Variants in ANAPC16 observed in about 807,000 individuals in gnomAD.
The protein encoded by ANAPC16 is anaphase-promoting complex subunit 16.
ANAPC16 carries 6 observed loss-of-function variants against 13.1 expected under a neutral mutation model. The observed-to-expected ratio is 0.46, with a 90% CI of 0.25 to 0.90. The LOEUF is 0.90. Among genes scored for constraint, ANAPC16 ranks in the 40% least tolerant of loss-of-function variants. The pLI is 0.18. For synonymous variants in ANAPC16, 55 were observed against 51.3 expected (o/e 1.07, Z -0.31); for missense variants, 113 against 131.1 (o/e 0.86, Z 0.67).
chr10:72,221,073 C>T lies in ANAPC16; in HGVS notation c.-27-2815C>T, dbSNP rs555779594. Among the ~76,000 whole-genome samples the T allele has an allele frequency of 4.6e-5, 7 of 152,134 alleles. No individual in the cohort carries two copies. The East Asian group carries it at 1.2e-3, about 25-fold the overall frequency. On this transcript the variant is annotated intron_variant, in intron 1 of 3. Transcript: ENST00000299381. ...CTGGGATTACAGGCGCCTGCCACCA[C>T]GCCCAGCTCATTTTTGTATTTTAAT...
intron 2 of ANAPC16, among the ~76,000 whole-genome samples, chr10:72,226,109 G>A (rs12254520): frequency 0.082 from 12,197 of 149,146 alleles, 1,335 homozygotes; most frequent in African/African-American, 0.24. Flanking sequence ...TCTGCCTCCC[G>A]GGTTCAAGTG....
At chr10:72,224,864 T>C (rs1019339841) in intron 2 of ANAPC16, among the ~76,000 whole-genome samples, 6 of 152,206 alleles carry the variant, frequency 3.9e-5, no homozygotes, top group East Asian at 1.9e-4. Context: ...GTGGTTCTTA[T>C]AGCACCAAAG....
chr10:72,232,698 G>C (rs75554001), intron 3 of ANAPC16, among the ~76,000 whole-genome samples: 4 of 150,844 alleles, frequency 2.7e-5, no homozygotes, highest in Non-Finnish European at 5.9e-5. Flanking sequence ...CTGCCTCCAG[G>C]GTTCAAGCGA....
chr10:72,222,895 A>G (rs1261422229), intron 1 of ANAPC16, among the ~76,000 whole-genome samples: 1 of 152,168 alleles, frequency 6.6e-6, no homozygotes. Flanking sequence ...GTAAGGTGTC[A>G]TGTATTCAGT....
chr10:72,216,681 A>G, intron 1 of ANAPC16: 1 of 368,928 alleles, frequency 2.7e-6, no homozygotes, highest in Non-Finnish European at 5.3e-6. Flanking sequence ...AGGAATTTAT[A>G]TTCATAAATA....
rs144000836 is a variant in ANAPC16 at position 72,217,545 on chromosome 10, C to T, written c.-28+1407C>T. Among the ~76,000 whole-genome samples the T allele has an allele frequency of 2.8e-3, 420 of 151,220 alleles. 1 individual carries two copies. The highest frequency in any genetic ancestry group is 4.5e-3 in the Non-Finnish European group (305 of 67,918). Reference sequence around the variant, plus strand: ...GGCCCTCCTCCTGAACAGATTCTTTCTCCTGTGGGAGCTTGCTGACTCTGT... The same window carrying T: ...GGCCCTCCTCCTGAACAGATTCTTTTTCCTGTGGGAGCTTGCTGACTCTGT... On this transcript the variant is annotated intron_variant, in intron 1 of 3. Coordinates refer to ENST00000299381, the MANE Select transcript of ANAPC16 (RefSeq NM_173473.4).
intron 1 of ANAPC16, 184 bp from the exon 2 acceptor site, chr10:72,223,704 A>T: frequency 2.3e-6 from 1 of 429,744 alleles, no homozygotes; most frequent in Non-Finnish European, 4.1e-6. Context: ...GCATATTTTC[A>T]GTTCAAAACC....
chr10:72,224,629 G>A (rs184195371), intron 2 of ANAPC16, among the ~76,000 whole-genome samples: 1 of 146,822 alleles, frequency 6.8e-6, no homozygotes, highest in South Asian at 2.2e-4. Flanking sequence ...AAAAAAAAAC[G>A]CAGAGGCAGC....
rs1021548547 is a variant in ANAPC16 at position 72,234,461 on chromosome 10, TA to T, written c.*1346del. 3 of 152,202 alleles carry T rather than the reference TA, an allele frequency of 2.0e-5. No individual in the cohort carries two copies. The highest frequency in any genetic ancestry group is 7.2e-5 in the African/African-American group (3 of 41,444). 9.4% of individuals were successfully genotyped at this position (152,202 alleles called of 1,614,324 possible). A position where few individuals can be genotyped will look rare whatever the true frequency, so the allele number is the denominator to read the frequency against. On this transcript the variant is annotated 3_prime_UTR_variant, in exon 4 of 4. Transcript: ENST00000299381. ...CCTCAAGTAAGTTTTTATACCATGA[TA>T]GGGGAAAACCTGGAAGGCTAAGAGA...
chr10:72,230,277 C>A, intron 2 of ANAPC16, 89 bp from the exon 3 acceptor site: 1 of 967,334 alleles, frequency 1.0e-6, no homozygotes, highest in Non-Finnish European at 1.6e-6. Flanking sequence ...AATGTACAAG[C>A]AGGGAAAAGA....
chr10:72,232,473 G>A (rs1418471537), intron 3 of ANAPC16, among the ~76,000 whole-genome samples: 1 of 150,946 alleles, frequency 6.6e-6, no homozygotes, highest in Non-Finnish European at 1.5e-5. Flanking sequence ...GAACCCACGA[G>A]GCAGAGGTTT....
At chr10:72,216,715 C>T (rs942283181) in intron 1 of ANAPC16, 6 of 414,500 alleles carry the variant, frequency 1.4e-5, no homozygotes, top group African/African-American at 4.1e-5. Context: ...TCATCCCTGC[C>T]GTACATGAAG....
intron 3 of ANAPC16, 62 bp downstream of exon 3, chr10:72,230,502 C>A: frequency 7.0e-7 from 1 of 1,429,688 alleles, no homozygotes; most frequent in South Asian, 1.2e-5. Flanking sequence ...GTGGATGAGG[C>A]TGTGACAAAA....
rs549460073 is a variant in ANAPC16, at chr10:72,222,086, T to C, written c.-27-1802T>C. ...TAGAGGGCTGAGCGCAGTGAGACTT[T>C]GGGAGACCACGGTGGGAGAATCACT... On this transcript the variant is annotated intron_variant, in intron 1 of 3. Transcript: ENST00000299381. 8.6e-5 allele frequency among the ~76,000 whole-genome samples: 13 copies of C among 151,486 alleles called. 1 individual carries two copies. In the South Asian group the frequency reaches 2.7e-3, roughly 32 times the overall value.
intron 2 of ANAPC16, among the ~76,000 whole-genome samples, chr10:72,228,170 A>T (rs1290051102): frequency 1.3e-5 from 2 of 152,226 alleles, no homozygotes; most frequent in African/African-American, 2.4e-5. Context: ...TTGTGAGTCT[A>T]GGATAGTAAA....
intron 1 of ANAPC16, among the ~76,000 whole-genome samples, chr10:72,218,715 G>C (rs1859774370): frequency 6.6e-6 from 1 of 152,180 alleles, no homozygotes; most frequent in African/African-American, 2.4e-5. Context: ...GGGTTTATTA[G>C]TTTTGCTTTA....
At chr10:72,216,514 A>ATTTGGTT (rs1272269521) in intron 1 of ANAPC16, among the ~76,000 whole-genome samples, 5 of 111,524 alleles carry the variant, frequency 4.5e-5, no homozygotes, top group Non-Finnish European at 9.0e-5. Context: ...TGCGGCATCT[A>ATTTGGTT]TTTGGTTTGG....
Position 72,218,163 on chromosome 10 carries a change from AAAATATATATATATATATATATATATAT to A in ANAPC16, c.-28+2027_-28+2054del, listed in dbSNP as rs1301952041. On this transcript the variant is annotated intron_variant, in intron 1 of 3. Coordinates refer to ENST00000299381, the MANE Select transcript of ANAPC16 (RefSeq NM_173473.4). ...TCTGTCTCAAAAAAAAAAAAAAAAAAAAATATATATATATATATATATATATATATATATATATATATATATATATATA... is the reference window on the plus strand; with the variant it reads ...TCTGTCTCAAAAAAAAAAAAAAAAAAATATATATATATATATATATATATA... Among the ~76,000 whole-genome samples the A allele has an allele frequency of 2.3e-3, 79 of 34,216 alleles. 3 individuals carry two copies. Among genetic ancestry groups the A allele is most frequent in the East Asian group, 0.012 (9 of 774 alleles). 22.4% of individuals were successfully genotyped at this position (34,216 alleles called of 152,430 possible).
chr10:72,229,667 T>C (rs1471540616), intron 2 of ANAPC16, among the ~76,000 whole-genome samples: 6 of 152,354 alleles, frequency 3.9e-5, no homozygotes, highest in Middle Eastern at 3.4e-3. Flanking sequence ...TGACAAGGAA[T>C]AACATGAACT....
Sources: allele counts gnomAD v4.1 joint callset (sites outside exome capture counted in the v4.1 genomes callset), GRCh38; gene constraint gnomAD v4.1.1; transcripts MANE v1.5; gene names NCBI Gene and HGNC (gene_info 2026-07-23, HGNC 2026-07-21).